Variants in ZNF382 observed in about 807,000 individuals in gnomAD.
The protein encoded by ZNF382 is KRAB/zinc finger suppressor protein 1.
ZNF382 carries 20 observed loss-of-function variants against 38.8 expected under a neutral mutation model. That is an observed-to-expected ratio of 0.51 (90% CI 0.36 to 0.75). The LOEUF is 0.75. ZNF382 is among the 30% of genes least tolerant of loss of function. ZNF382 has a pLI of 0.00. For missense variants in ZNF382, 546 were observed against 654.1 expected, an observed-to-expected ratio of 0.83 and a Z score of 1.80; for synonymous variants, 202 against 223.1, an observed-to-expected ratio of 0.91 and a Z score of 0.84.
chr19:36,608,725 C>T (rs2037054060), intron 2 of ZNF382: 1 of 152,262 alleles, frequency 6.6e-6, no homozygotes, highest in South Asian at 2.1e-4. Flanking sequence ...CTATCACCAC[C>T]TGTATGTTCC....
intron 4 of ZNF382, among the ~76,000 whole-genome samples, chr19:36,611,555 C>T (rs2037078254): frequency 6.6e-6 from 1 of 152,238 alleles, no homozygotes; most frequent in African/African-American, 2.4e-5. Context: ...CGTCAGTGGT[C>T]CGTTGGGTTC....
At chr19:36,610,600 G>C in intron 3 of ZNF382, 50 bp from the exon 4 acceptor site, 1 of 1,480,394 alleles carries the variant, frequency 6.8e-7, no homozygotes, top group Non-Finnish European at 9.3e-7. Context: ...TACTTCAATA[G>C]TTTTAAAGTC....
chr19:36,620,001 G>T (rs1568630234), intron 4 of ZNF382, among the ~76,000 whole-genome samples: 1 of 152,134 alleles, frequency 6.6e-6, no homozygotes, highest in African/African-American at 2.4e-5. Flanking sequence ...AAAGTGCTGG[G>T]ATTACAGGAG....
chr19:36,608,487 T>G (rs556626965), intron 2 of ZNF382: 2 of 152,358 alleles, frequency 1.3e-5, no homozygotes, highest in Admixed American at 1.3e-4. Flanking sequence ...TTGTCCTCTT[T>G]TCATATCTTT....
At chr19:36,621,016 C>A (rs2037164759) in intron 4 of ZNF382, among the ~76,000 whole-genome samples, 1 of 152,036 alleles carries the variant, frequency 6.6e-6, no homozygotes, top group South Asian at 2.1e-4. Flanking sequence ...ACCTTCGCCT[C>A]CGACAGTGCT....
intron 1 of ZNF382, among the ~76,000 whole-genome samples, chr19:36,606,851 G>C (rs978095462): frequency 1.1e-4 from 16 of 152,122 alleles, no homozygotes; most frequent in African/African-American, 3.9e-4. Flanking sequence ...GCCAAGGTGG[G>C]CAGATCACCT....
intron 4 of ZNF382, among the ~76,000 whole-genome samples, chr19:36,616,500 ATG>A (rs1456165957): frequency 2.6e-5 from 4 of 152,238 alleles, no homozygotes; most frequent in African/African-American, 9.6e-5. Flanking sequence ...TCATTCTAAA[ATG>A]TTAGCCAGGA....
Position 36,626,468 on chromosome 19 carries a change from A to C in ZNF382, c.571A>C (p.Arg191=). ...AGTGAATCTCCATAAACAAACAGAA[A>C]GAGTTCTCAGTGGTAAACAGGAGCT... ...PAVNLHKQTE[R]VLSGKQELIQ... is the part of the protein sequence containing the mutation. Residue 191 remains arginine, a synonymous_variant, in exon 5 of 5, where the codon AGA becomes CGA. Transcript: ENST00000292928. 2.5e-6 allele frequency: 4 copies of C among 1,604,258 alleles called. No individual in the cohort carries two copies. Among genetic ancestry groups the C allele is most frequent in the Non-Finnish European group, 3.4e-6 (4 of 1,177,238 alleles).
At position 36,628,141 on chromosome 19, in the gene ZNF382, C is replaced by T. The variant is rs2037230563; in HGVS notation, c.*591C>T. ...TGAGTCTAATCATTAGTACGTGTGG[C>T]AGAAGTTTATTTATTTTTATCCAGT... On this transcript the variant is annotated 3_prime_UTR_variant, in exon 5 of 5. Coordinates refer to ENST00000292928, the MANE Select transcript of ZNF382 (RefSeq NM_032825.5). 6.6e-6 allele frequency: 1 copy of T among 152,210 alleles called. No homozygotes were observed. The highest frequency in any genetic ancestry group is 2.4e-5 in the African/African-American group (1 of 41,418). The allele number at this position is 152,210 out of a possible 1,614,324, so 9.4% of individuals were successfully genotyped here.
chr19:36,616,831 C>G (rs140915790), intron 4 of ZNF382, among the ~76,000 whole-genome samples: 250 of 152,106 alleles, frequency 1.6e-3, no homozygotes, highest in African/African-American at 5.9e-3. Context: ...CCCTTGAGTG[C>G]CCCCAATGTG....
chr19:36,610,622 G>T, intron 3 of ZNF382, 28 bp from the exon 4 acceptor site: 2 of 1,590,716 alleles, frequency 1.3e-6, no homozygotes, highest in South Asian at 2.3e-5. Flanking sequence ...AAACAGCTTA[G>T]ACCAAAAGTC....
intron 4 of ZNF382, among the ~76,000 whole-genome samples, chr19:36,615,058 C>T (rs1420557623): frequency 1.4e-5 from 2 of 147,448 alleles, no homozygotes; most frequent in East Asian, 2.0e-4. Flanking sequence ...TCTCGGCTCA[C>T]TGCAACCTCC....
intron 2 of ZNF382, chr19:36,608,720 A>AC (rs964558059): frequency 2.0e-5 from 3 of 152,216 alleles, no homozygotes; most frequent in African/African-American, 7.2e-5. Flanking sequence ...AGTAGCTATC[A>AC]CCACCTGTAT....
At position 36,626,698 on chromosome 19, in the gene ZNF382, C is replaced by A. The variant is rs775572815; in HGVS notation, c.801C>A (p.Pro267=). Residue 267 remains proline, a synonymous_variant, in exon 5 of 5, where the codon CCC becomes CCA. Coordinates refer to ENST00000292928, the MANE Select transcript of ZNF382 (RefSeq NM_032825.5). ...VHPSNLMEKK[P]SAYNKYGKFL... ...CAAGTAATCTTATGGAAAAGAAGCC[C>A]TCTGCCTACAACAAATATGGGAAAT... is the stretch of plus-strand genomic sequence containing the variant. 6.2e-7 allele frequency: 1 copy of A among 1,613,996 alleles called. No homozygotes were observed. The highest frequency in any genetic ancestry group is 8.5e-7 in the Non-Finnish European group (1 of 1,180,030).
At chr19:36,606,552 C>T (rs1413064993) in intron 1 of ZNF382, among the ~76,000 whole-genome samples, 2 of 151,256 alleles carry the variant, frequency 1.3e-5, no homozygotes, top group African/African-American at 4.9e-5. Context: ...GATGGGGTTT[C>T]ACCATGTTGC....
Position 36,629,394 on chromosome 19 carries a change from G to T in ZNF382, c.*1844G>T, listed in dbSNP as rs1429975745. 6.6e-6 allele frequency: 1 copy of T among 152,046 alleles called. No individual in the cohort carries two copies. The highest frequency in any genetic ancestry group is 2.1e-4 in the South Asian group (1 of 4,814). The allele number at this position is 152,046 out of a possible 1,614,324, so 9.4% of individuals were successfully genotyped here. A position where few individuals can be genotyped will look rare whatever the true frequency, so the allele number is the denominator to read the frequency against. ...ATCAGCTGCCAACCATGTAAGTGAG[G>T]CCTCTTGGACATCCAGTCAAGCCTT... On this transcript the variant is annotated 3_prime_UTR_variant, in exon 5 of 5. Coordinates refer to ENST00000292928, the MANE Select transcript of ZNF382 (RefSeq NM_032825.5).
At position 36,627,405 on chromosome 19, in the gene ZNF382, G is replaced by A. The variant is rs773992472; in HGVS notation, c.1508G>A (p.Arg503Lys). ...CCTCAGTGTGGGAAAGCCTTCAGTAGGAAATCAAACCTCATTCGCCATCAG... is the reference window on the plus strand; with the variant it reads ...CCTCAGTGTGGGAAAGCCTTCAGTAAGAAATCAAACCTCATTCGCCATCAG... ...GCPQCGKAFS[R>K]KSNLIRHQKT... Residue 503 changes from arginine to lysine, a missense_variant, in exon 5 of 5, where the codon AGG becomes AAG. Physicochemically the swap from Arg to Lys is conservative, Grantham distance 26. Coordinates refer to ENST00000292928, the MANE Select transcript of ZNF382 (RefSeq NM_032825.5). 1.2e-6 allele frequency: 2 copies of A among 1,613,394 alleles called. No individual in the cohort carries two copies. The highest frequency in any genetic ancestry group is 1.7e-6 in the Non-Finnish European group (2 of 1,179,818).
intron 4 of ZNF382, among the ~76,000 whole-genome samples, chr19:36,614,264 C>T (rs1311534935): frequency 6.6e-5 from 10 of 152,060 alleles, no homozygotes; most frequent in Non-Finnish European, 1.0e-4. Flanking sequence ...TGCTTGAACC[C>T]GGAAGGCACA....
rs3108170 is a variant in ZNF382 at position 36,630,497 on chromosome 19, G to A, written c.*2947G>A. 52,903 of 149,876 alleles carry A rather than the reference G, an allele frequency of 0.35. 10,045 individuals are homozygous for A. The highest frequency in any genetic ancestry group is 0.51 in the African/African-American group (21,041 of 40,968). The allele number at this position is 149,876 out of a possible 1,614,324, so 9.3% of individuals were successfully genotyped here. A position where few individuals can be genotyped will look rare whatever the true frequency, so the allele number is the denominator to read the frequency against. ...CTCCCAAGTAGCTGGGATTACAGGCGCCCACCTGTATTTTTAGTAGAGACG... is the reference window on the plus strand; with the variant it reads ...CTCCCAAGTAGCTGGGATTACAGGCACCCACCTGTATTTTTAGTAGAGACG... On this transcript the variant is annotated 3_prime_UTR_variant, in exon 5 of 5. Coordinates refer to ENST00000292928, the MANE Select transcript of ZNF382 (RefSeq NM_032825.5).
Sources: gnomAD v4.1 joint callset for allele counts (sites outside exome capture counted in the v4.1 genomes callset) on GRCh38, gnomAD v4.1.1 for gene constraint, MANE v1.5 for transcripts, NCBI Gene and HGNC (gene_info 2026-07-23, HGNC 2026-07-21) for gene names.